The following NEBL variants were observed in gnomAD, a reference collection of about 807,000 sequenced individuals.
NEBL encodes the protein nebulette.
NEBL carries 122 observed loss-of-function variants against 140.2 expected under a neutral mutation model. That is an observed-to-expected ratio of 0.87 (90% CI 0.75 to 1.01). The LOEUF (loss-of-function observed/expected upper bound fraction) is 1.01. NEBL is among the 50% of genes least tolerant of loss of function. The pLI is 0.00. For missense variants in NEBL, 1,365 were observed against 1,231.3 expected, an observed-to-expected ratio of 1.11 and a Z score of -1.62; for synonymous variants, 436 against 398.9, an observed-to-expected ratio of 1.09 and a Z score of -1.11.
chr10:21,049,905 C>T (rs984401611), intron 2 of NEBL, among the ~76,000 whole-genome samples: 10 of 152,094 alleles, frequency 6.6e-5, no homozygotes, highest in African/African-American at 1.4e-4. Context: ...AAAACCTCAA[C>T]GGGCTAGAAA....
chr10:20,933,693 C>A (rs1834320961), intron 4 of NEBL, among the ~76,000 whole-genome samples: 1 of 152,190 alleles, frequency 6.6e-6, no homozygotes, highest in Non-Finnish European at 1.5e-5. Context: ...AAGATCACAC[C>A]ATTGCATTGC....
At chr10:20,805,257 G>T (rs1176319676) in intron 26 of NEBL, among the ~76,000 whole-genome samples, 1 of 152,194 alleles carries the variant, frequency 6.6e-6, no homozygotes, top group Admixed American at 6.5e-5. Flanking sequence ...AACTTATAAG[G>T]TTTGATATAT....
chr10:20,846,820 C>T (rs768368395), intron 11 of NEBL, among the ~76,000 whole-genome samples: 26 of 151,716 alleles, frequency 1.7e-4, no homozygotes, highest in East Asian at 3.9e-4. Context: ...AGGTTAATTA[C>T]GACTAGAAGT....
chr10:20,999,925 G>C (rs918320292), intron 3 of NEBL, among the ~76,000 whole-genome samples: 4 of 152,076 alleles, frequency 2.6e-5, no homozygotes, highest in Non-Finnish European at 5.9e-5. Flanking sequence ...AAGATCATGT[G>C]ATGCAAACCG....
intron 7 of NEBL, among the ~76,000 whole-genome samples, chr10:20,866,590 C>A (rs1844317581): frequency 6.6e-6 from 1 of 152,208 alleles, no homozygotes; most frequent in East Asian, 1.9e-4. Flanking sequence ...GATTTCTGTC[C>A]CCTGGCAGGC....
chr10:21,109,409 T>A (rs747268727), intron 2 of NEBL, among the ~76,000 whole-genome samples: 30 of 152,206 alleles, frequency 2.0e-4, no homozygotes, highest in Non-Finnish European at 3.8e-4. Flanking sequence ...GCCAGTATTT[T>A]ATTGAGGATT....
intron 2 of NEBL, among the ~76,000 whole-genome samples, chr10:21,077,073 C>A (rs528897147): frequency 1.3e-5 from 2 of 152,170 alleles, no homozygotes; most frequent in South Asian, 4.2e-4. Flanking sequence ...TATCTTACCA[C>A]AATTTAAAAA....
rs374562139 is a variant in NEBL, at chr10:21,133,683, G to T, written c.164+38700C>A. 2.0e-5 allele frequency among the ~76,000 whole-genome samples: 3 copies of T among 152,280 alleles called. No homozygotes were observed. The East Asian group carries it at 5.8e-4, about 29-fold the overall frequency. ...CATATTAGCTGTTATTATCAGGAAA[G>T]ATCCCATCATATCAATCCTAAGGGA... On this transcript the variant is annotated intron_variant, in intron 2 of 6. Transcript: ENST00000417816.
At chr10:21,149,331 C>T (rs1840047272) in intron 2 of NEBL, among the ~76,000 whole-genome samples, 1 of 152,054 alleles carries the variant, frequency 6.6e-6, no homozygotes, top group East Asian at 1.9e-4. Flanking sequence ...GTCTCTGTCA[C>T]CCAAGCTGGA....
chr10:21,287,313 A>G (rs1165784167), intron 1 of NEBL, among the ~76,000 whole-genome samples: 1 of 152,162 alleles, frequency 6.6e-6, no homozygotes, highest in Non-Finnish European at 1.5e-5. Context: ...AGGCAGGTGG[A>G]TCACTTGAGG....
intron 3 of NEBL, among the ~76,000 whole-genome samples, chr10:21,235,335 A>C (rs1348249169): frequency 6.6e-6 from 1 of 151,968 alleles, no homozygotes; most frequent in East Asian, 1.9e-4. Context: ...CAAAAACATA[A>C]GTGTTTTTAT....
chr10:20,976,421 A>G (rs768756392), intron 3 of NEBL, among the ~76,000 whole-genome samples: 2 of 152,098 alleles, frequency 1.3e-5, no homozygotes, highest in Non-Finnish European at 2.9e-5. Flanking sequence ...CATACTAGGT[A>G]CATACCCAAA....
rs35430205 is a variant in NEBL, at chr10:21,241,285, T to TAAAA, written n.348+6632_348+6635dup. On this transcript the variant is annotated intron_variant and non_coding_transcript_variant, in intron 3 of 8. Coordinates refer to the NEBL transcript ENST00000675702. ...ATAAATAAATAAATAAATAAATAAA[T>TAAAA]AAAAATAAAAATCAATCAAAAGGAC... Among the ~76,000 whole-genome samples, 690 of 146,406 alleles carry TAAAA rather than the reference T, an allele frequency of 4.7e-3. 5 individuals are homozygous for TAAAA. Among genetic ancestry groups the TAAAA allele is most frequent in the African/African-American group, 0.012 (488 of 40,034 alleles).
In NEBL at chr10:20,813,744, T is replaced by G. The variant is rs1000183620; in HGVS notation, c.2346+195A>C. ...ATAAAGACACACCAGAAAAAGTCAC[T>G]GAGAAAAATCATTTTATTAGACTAA... is the stretch of plus-strand genomic sequence containing the variant. On this transcript the variant is annotated intron_variant, in intron 23 of 27. Transcript: ENST00000377122. 2.2e-5 allele frequency: 13 copies of G among 579,174 alleles called. No homozygotes were observed. In the East Asian group the frequency reaches 3.8e-4, roughly 17 times the overall value. The allele number at this position is 579,174 out of a possible 1,614,324, so 35.9% of individuals were successfully genotyped here.
chr10:20,799,006 G>A (rs184680395), intron 26 of NEBL, among the ~76,000 whole-genome samples: 80 of 152,228 alleles, frequency 5.3e-4, no homozygotes, highest in African/African-American at 1.7e-3. Flanking sequence ...CAGAATGAAC[G>A]AATACTTGCG....
chr10:21,052,902 C>G (rs1256154405), intron 2 of NEBL, among the ~76,000 whole-genome samples: 6 of 152,164 alleles, frequency 3.9e-5, no homozygotes, highest in Admixed American at 6.5e-5. Context: ...AAATAATTCG[C>G]TGACATACAA....
At chr10:20,975,577 T>C (rs547075655) in intron 3 of NEBL, among the ~76,000 whole-genome samples, 2 of 152,356 alleles carry the variant, frequency 1.3e-5, no homozygotes, top group East Asian at 1.9e-4. Flanking sequence ...ACCCTGAATG[T>C]AAATTTGTTA....
rs368166564 is a variant in NEBL at position 21,201,695 on chromosome 10, C to T, written n.349-29218G>A. Among the ~76,000 whole-genome samples the T allele has an allele frequency of 1.0e-3, 154 of 152,282 alleles. 1 individual carries two copies. Among genetic ancestry groups the T allele is most frequent in the Admixed American group, 1.2e-3 (19 of 15,294 alleles). On this transcript the variant is annotated intron_variant and non_coding_transcript_variant, in intron 3 of 8. Transcript: ENST00000675702. ...AATTAACTGACACACCTCTATAATA[C>T]AATATGCCTGCATATTCTTTGATAG...
chr10:20,974,517 G>A (rs1019811222), intron 3 of NEBL, among the ~76,000 whole-genome samples: 8 of 151,858 alleles, frequency 5.3e-5, no homozygotes, highest in Admixed American at 1.3e-4. Context: ...ACAAAGTGCC[G>A]GAACTATAAG....
Sources: allele counts gnomAD v4.1 joint callset (sites outside exome capture counted in the v4.1 genomes callset), GRCh38; gene constraint gnomAD v4.1.1; transcripts MANE v1.5; gene names NCBI Gene and HGNC (gene_info 2026-07-23, HGNC 2026-07-21).